Variants in SCFD1 observed in about 807,000 individuals in gnomAD.
The protein encoded by SCFD1 is sec1 family domain-containing protein 1.
Under a neutral mutation model 103.2 loss-of-function variants are expected in SCFD1, and 37 were observed. The observed-to-expected ratio is 0.36, with a 90% CI of 0.28 to 0.47. The LOEUF (loss-of-function observed/expected upper bound fraction) is 0.47, where lower values mean the gene tolerates loss of function less well. Ranked by LOEUF, SCFD1 falls within the 20% of genes least tolerant of loss-of-function variation. SCFD1 has a pLI of 1.00. For missense variants in SCFD1, 639 were observed against 761.2 expected, an observed-to-expected ratio of 0.84 and a Z score of 1.89; for synonymous variants, 264 against 245.0, an observed-to-expected ratio of 1.08 and a Z score of -0.73.
At chr14:30,721,830 A>C in intron 21 of SCFD1, 54 bp from the exon 22 acceptor site, 2 of 1,400,500 alleles carry the variant, frequency 1.4e-6, no homozygotes, top group Non-Finnish European at 2.0e-6. Flanking sequence ...TACCTATTTT[A>C]TTCATAATAA....
At chr14:30,730,751 C>T (rs1398993317) in intron 23 of SCFD1, among the ~76,000 whole-genome samples, 1 of 152,124 alleles carries the variant, frequency 6.6e-6, no homozygotes, top group East Asian at 1.9e-4. Flanking sequence ...TGGATATTAG[C>T]CCTTTGTCAG....
chr14:30,715,872 GAGA>G (rs1892246070), intron 19 of SCFD1, 49 bp from the exon 20 acceptor site: 1 of 981,560 alleles, frequency 1.0e-6, no homozygotes, highest in Admixed American at 2.3e-5. Context: ...TGTTTTAATA[GAGA>G]AGAACTTTGG....
chr14:30,654,374 A>G (rs1374736916), intron 10 of SCFD1, among the ~76,000 whole-genome samples: 1 of 152,226 alleles, frequency 6.6e-6, no homozygotes, highest in Non-Finnish European at 1.5e-5. Flanking sequence ...CCAACATGTC[A>G]TATAAACAGG....
In SCFD1 at chr14:30,707,973, C is replaced by G; in HGVS notation, c.1554-17C>G. ...ACTTTGTACTTAGAATGGTCCTTCT[C>G]TTTTGCCCCTACCTAGTCTTTTATC... On this transcript the variant is annotated splice_polypyrimidine_tract_variant and intron_variant, in intron 18 of 24. Coordinates refer to ENST00000458591, the MANE Select transcript of SCFD1 (RefSeq NM_016106.4). The G allele has an allele frequency of 6.3e-7, 1 of 1,589,572 alleles. No individual in the cohort carries two copies. Among genetic ancestry groups the G allele is most frequent in the Middle Eastern group, 1.7e-4 (1 of 6,028 alleles).
intron 3 of SCFD1, among the ~76,000 whole-genome samples, chr14:30,631,989 A>G (rs1158474224): frequency 7.4e-6 from 1 of 135,878 alleles, no homozygotes; most frequent in Non-Finnish European, 1.6e-5. Flanking sequence ...CAGAGGTTGT[A>G]GTGAACCGAG....
chr14:30,647,652 A>G (rs1478590202), intron 7 of SCFD1, among the ~76,000 whole-genome samples: 1 of 152,054 alleles, frequency 6.6e-6, no homozygotes, highest in East Asian at 1.9e-4. Flanking sequence ...TTAGTGTTAA[A>G]CAGACATAAT....
At chr14:30,684,843 G>T in intron 14 of SCFD1, among the ~76,000 whole-genome samples, 1 of 96,112 alleles carries the variant, frequency 1.0e-5, no homozygotes, top group Non-Finnish European at 1.9e-5. Flanking sequence ...AAGTTTTAGG[G>T]TACATGTGCA....
intron 23 of SCFD1, among the ~76,000 whole-genome samples, chr14:30,725,598 G>T (rs1235535755): frequency 6.6e-6 from 1 of 152,078 alleles, no homozygotes; most frequent in Non-Finnish European, 1.5e-5. Flanking sequence ...AGACTGTGTG[G>T]GCTTTTCTAA....
intron 10 of SCFD1, among the ~76,000 whole-genome samples, chr14:30,658,881 T>C (rs932970853): frequency 6.6e-6 from 1 of 152,236 alleles, no homozygotes; most frequent in East Asian, 1.9e-4. Flanking sequence ...GTCAGCACTA[T>C]GTAGCCTAAT....
At chr14:30,678,309 G>A (rs566269354) in intron 14 of SCFD1, among the ~76,000 whole-genome samples, 99 of 152,022 alleles carry the variant, frequency 6.5e-4, no homozygotes, top group Non-Finnish European at 1.2e-3. Flanking sequence ...AGAAATCCTG[G>A]CAGTTACCCC....
At chr14:30,675,713 T>C (rs1182387020) in intron 14 of SCFD1, among the ~76,000 whole-genome samples, 1 of 152,208 alleles carries the variant, frequency 6.6e-6, no homozygotes, top group African/African-American at 2.4e-5. Flanking sequence ...TGGCTAATAT[T>C]GACCCCTCCT....
At chr14:30,633,847 G>A (rs1884428734) in intron 3 of SCFD1, 100 bp from the exon 4 acceptor site, 3 of 567,790 alleles carry the variant, frequency 5.3e-6, no homozygotes, top group Non-Finnish European at 9.2e-6. Flanking sequence ...AGCTTTTAGA[G>A]CACTGGTTAC....
chr14:30,709,468 A>G (rs1269396927), intron 19 of SCFD1, among the ~76,000 whole-genome samples: 1 of 152,022 alleles, frequency 6.6e-6, no homozygotes, highest in Non-Finnish European at 1.5e-5. Flanking sequence ...CCTGGGCTCA[A>G]GTGATCTTCC....
Position 30,630,462 on chromosome 14 carries a change from G to C in SCFD1, c.133-15G>C, listed in dbSNP as rs1178826940. The C allele has an allele frequency of 1.4e-6, 2 of 1,468,442 alleles. No individual in the cohort carries two copies. Among genetic ancestry groups the C allele is most frequent in the Non-Finnish European group, 1.9e-6 (2 of 1,049,594 alleles). The allele number at this position is 1,468,442 out of a possible 1,614,324, so 91.0% of individuals were successfully genotyped here. ...TTGTTCACTGATAATGATGACACAT[G>C]GTTTTTTTTAATAGGTACTCATTTA... On this transcript the variant is annotated splice_polypyrimidine_tract_variant and intron_variant, in intron 2 of 24. Coordinates refer to ENST00000458591, the MANE Select transcript of SCFD1 (RefSeq NM_016106.4).
chr14:30,710,332 TA>T (rs397853428), intron 19 of SCFD1, among the ~76,000 whole-genome samples: 912 of 82,018 alleles, frequency 0.011, 8 homozygotes, highest in African/African-American at 0.017. Context: ...GCCATGTCAT[TA>T]AAAAAAAAAA....
In SCFD1 at chr14:30,702,176, T is replaced by G. The variant is rs940357379; in HGVS notation, c.1411-120T>G. On this transcript the variant is annotated intron_variant, in intron 16 of 24. Transcript: ENST00000458591. ...CACTTAAGACGTGACTCCACTCTAC[T>G]TGGGTGCCAAGAATTTAAACTCATG... The G allele has an allele frequency of 2.5e-5, 15 of 607,720 alleles. No individual in the cohort carries two copies. In the African/African-American group the frequency reaches 2.6e-4, roughly 11 times the overall value. The allele number at this position is 607,720 out of a possible 1,614,324, so 37.6% of individuals were successfully genotyped here. A position where few individuals can be genotyped will look rare whatever the true frequency, so the allele number is the denominator to read the frequency against.
intron 14 of SCFD1, among the ~76,000 whole-genome samples, chr14:30,691,223 T>TA (rs1890274752): frequency 6.6e-6 from 1 of 152,244 alleles, no homozygotes; most frequent in Non-Finnish European, 1.5e-5. Context: ...TCTTCATCTT[T>TA]AAAATGAGAT....
chr14:30,707,329 A>G (rs1055112948), intron 18 of SCFD1, among the ~76,000 whole-genome samples: 1 of 152,222 alleles, frequency 6.6e-6, no homozygotes, highest in Non-Finnish European at 1.5e-5. Flanking sequence ...AACCACAGAT[A>G]TAAACCCAGT....
At chr14:30,682,347 G>A (rs1295651288) in intron 14 of SCFD1, among the ~76,000 whole-genome samples, 1 of 152,158 alleles carries the variant, frequency 6.6e-6, no homozygotes, top group Non-Finnish European at 1.5e-5. Flanking sequence ...ATTGTAGCTT[G>A]GAAACCCAAC....
Sources: allele counts gnomAD v4.1 joint callset (sites outside exome capture counted in the v4.1 genomes callset), GRCh38; gene constraint gnomAD v4.1.1; transcripts MANE v1.5; gene names NCBI Gene and HGNC (gene_info 2026-07-23, HGNC 2026-07-21).